The following CPED1 variants were observed in gnomAD, a reference collection of about 807,000 sequenced individuals.
The protein encoded by CPED1 is cadherin-like and PC-esterase domain-containing protein 1.
In CPED1, 114 loss-of-function variants were observed where a neutral mutation model predicts 128.2. The observed-to-expected ratio is 0.89, with a 90% CI of 0.76 to 1.04. The LOEUF (loss-of-function observed/expected upper bound fraction) is 1.04. CPED1 is among the 50% of genes least tolerant of loss of function. The pLI is 0.00. For missense variants in CPED1, 1,211 were observed against 1,207.1 expected, an observed-to-expected ratio of 1.00 and a Z score of -0.05; for synonymous variants, 462 against 426.7, an observed-to-expected ratio of 1.08 and a Z score of -1.02.
At chr7:121,236,152 T>A (rs189170808) in intron 16 of CPED1, among the ~76,000 whole-genome samples, 7 of 152,170 alleles carry the variant, frequency 4.6e-5, no homozygotes, top group African/African-American at 1.4e-4. Context: ...ATCGTTCTGT[T>A]CTACATCTGT....
At chr7:121,147,182 T>G (rs780667500) in intron 16 of CPED1, among the ~76,000 whole-genome samples, 10 of 152,170 alleles carry the variant, frequency 6.6e-5, no homozygotes, top group Non-Finnish European at 1.5e-4. Context: ...GGGTAATCCT[T>G]CTGTGTTGTA....
At chr7:121,243,407 G>A (rs1402232760) in intron 17 of CPED1, among the ~76,000 whole-genome samples, 2 of 152,152 alleles carry the variant, frequency 1.3e-5, no homozygotes, top group Non-Finnish European at 2.9e-5. Context: ...TGTTTTGCAT[G>A]AATGTTGTTT....
intron 2 of CPED1, among the ~76,000 whole-genome samples, chr7:120,996,300 G>A (rs1796404160): frequency 6.6e-6 from 1 of 151,452 alleles, no homozygotes; most frequent in South Asian, 2.1e-4. Flanking sequence ...AAAAGAAAAG[G>A]GAATTATCCT....
chr7:121,213,443 C>T (rs976561014), intron 16 of CPED1, among the ~76,000 whole-genome samples: 2 of 152,006 alleles, frequency 1.3e-5, no homozygotes, highest in African/African-American at 4.8e-5. Context: ...ATGGCATTTC[C>T]CTTTCTCCTT....
At chr7:121,030,779 G>T (rs1792708056) in intron 3 of CPED1, among the ~76,000 whole-genome samples, 1 of 152,092 alleles carries the variant, frequency 6.6e-6, no homozygotes, top group Non-Finnish European at 1.5e-5. Flanking sequence ...ATAGTGTTTT[G>T]TACTATCCAT....
chr7:121,149,379 C>T (rs1196065086), intron 16 of CPED1, among the ~76,000 whole-genome samples: 1 of 152,142 alleles, frequency 6.6e-6, no homozygotes, highest in Non-Finnish European at 1.5e-5. Flanking sequence ...TCTGTTTCAG[C>T]ACTTATATAA....
chr7:121,230,813 T>G (rs1165329489), intron 16 of CPED1, among the ~76,000 whole-genome samples: 2 of 152,074 alleles, frequency 1.3e-5, no homozygotes, highest in Non-Finnish European at 2.9e-5. Context: ...CTCTTGGCTG[T>G]AAGAAAAACA....
intron 16 of CPED1, among the ~76,000 whole-genome samples, chr7:121,179,101 G>C (rs555563315): frequency 6.6e-6 from 1 of 152,114 alleles, no homozygotes; most frequent in Non-Finnish European, 1.5e-5. Context: ...TCAAAATGGA[G>C]TGATCAGTGA....
rs140022111 is a variant in CPED1, at chr7:121,198,137, G to A, written c.2056-38577G>A. 3.7e-3 allele frequency among the ~76,000 whole-genome samples: 570 copies of A among 152,196 alleles called. 1 individual carries two copies. The highest frequency in any genetic ancestry group is 0.027 in the Middle Eastern group (8 of 294). ...GTGTTGGGGGTAGCAGTTATTACGC[G>A]AAAGACAAGGTGGTGTCAGCAGAGT... On this transcript the variant is annotated intron_variant, in intron 16 of 22. Transcript: ENST00000310396.
At chr7:121,101,759 A>G (rs932994912) in intron 7 of CPED1, among the ~76,000 whole-genome samples, 1 of 152,064 alleles carries the variant, frequency 6.6e-6, no homozygotes, top group African/African-American at 2.4e-5. Flanking sequence ...CATGTCACAT[A>G]GTGAGAGAGG....
At chr7:121,284,082 G>A (rs750358945) in intron 22 of CPED1, among the ~76,000 whole-genome samples, 4 of 152,116 alleles carry the variant, frequency 2.6e-5, no homozygotes, top group Non-Finnish European at 4.4e-5. Flanking sequence ...AGTTCAGCAC[G>A]GCTGGGGAGG....
intron 22 of CPED1, among the ~76,000 whole-genome samples, chr7:121,279,174 A>G (rs1541509): frequency 2.6e-5 from 4 of 152,078 alleles, no homozygotes; most frequent in African/African-American, 9.6e-5. Flanking sequence ...AATAATCCCA[A>G]AAGTTCTTAC....
chr7:121,284,342 G>A (rs188630870), intron 22 of CPED1, among the ~76,000 whole-genome samples: 128 of 152,252 alleles, frequency 8.4e-4, no homozygotes, highest in African/African-American at 2.9e-3. Context: ...TGGGGACACA[G>A]CCAAACCATA....
chr7:121,011,598 G>T (rs888294084), intron 2 of CPED1, among the ~76,000 whole-genome samples: 2 of 151,948 alleles, frequency 1.3e-5, no homozygotes, highest in Non-Finnish European at 2.9e-5. Flanking sequence ...TTTTAGGCTG[G>T]GAAAGCAAAA....
chr7:121,194,048 A>ATATATATTT (rs1396095392), intron 16 of CPED1, among the ~76,000 whole-genome samples: 1 of 47,464 alleles, frequency 2.1e-5, no homozygotes, highest in African/African-American at 8.2e-5. Flanking sequence ...ATATATATAT[A>ATATATATTT]TTTTTTTTTT....
At chr7:121,149,766 T>C (rs1333777278) in intron 16 of CPED1, 1 of 152,210 alleles carries the variant, frequency 6.6e-6, no homozygotes, top group East Asian at 1.9e-4. Flanking sequence ...AGAGGTTTTT[T>C]TCCTAAAATA....
intron 16 of CPED1, among the ~76,000 whole-genome samples, chr7:121,194,042 A>G (rs1296589488): frequency 9.3e-6 from 1 of 107,384 alleles, no homozygotes; most frequent in Non-Finnish European, 1.9e-5. Flanking sequence ...ATATATATAT[A>G]TATATATTTT....
At chr7:121,286,880 A>G (rs533530288) in intron 22 of CPED1, among the ~76,000 whole-genome samples, 4 of 152,322 alleles carry the variant, frequency 2.6e-5, no homozygotes, top group South Asian at 4.1e-4. Context: ...TAATTGACTC[A>G]TAGTTCAGCA....
intron 3 of CPED1, among the ~76,000 whole-genome samples, chr7:121,019,793 T>C (rs544415258): frequency 1.3e-5 from 2 of 152,096 alleles, no homozygotes; most frequent in Non-Finnish European, 2.9e-5. Context: ...CCCCTGCATT[T>C]GTGAGAACAT....
Sources: allele counts gnomAD v4.1 joint callset (sites outside exome capture counted in the v4.1 genomes callset), GRCh38; gene constraint gnomAD v4.1.1; transcripts MANE v1.5; gene names NCBI Gene and HGNC (gene_info 2026-07-23, HGNC 2026-07-21).